The following LIMCH1 variants were observed in gnomAD, a reference collection of about 807,000 sequenced individuals.
LIMCH1 encodes LIM and calponin homology domains-containing protein 1.
LIMCH1 carries 113 observed loss-of-function variants against 176.5 expected under a neutral mutation model. The ratio of observed to expected loss-of-function variants is 0.64; its 90% CI spans 0.55 to 0.75. LIMCH1 has a LOEUF of 0.75. Ranked by LOEUF, LIMCH1 falls within the 30% of genes least tolerant of loss-of-function variation. LIMCH1 has a pLI of 0.00. For missense variants in LIMCH1, 1,674 were observed against 1,814.9 expected, an observed-to-expected ratio of 0.92 and a Z score of 1.41; for synonymous variants, 619 against 645.9, an observed-to-expected ratio of 0.96 and a Z score of 0.63.
At position 41,682,354 on chromosome 4, in the gene LIMCH1, T is replaced by A. The variant is rs2153048887; in HGVS notation, c.3739T>A (p.Cys1247Ser). The change falls in exon 26 of 32, where the codon TGT becomes AGT. Residue 1247 changes from cysteine (C) to serine (S), a missense_variant. Physicochemically the swap from Cys to Ser is moderately radical, Grantham distance 112. Transcript: ENST00000503057. ...TTAGAATAAGATAGACCTGGGAAACTGTCAAGATGAAAAACAAGACAGAAG... is the reference window on the plus strand; with the variant it reads ...TTAGAATAAGATAGACCTGGGAAACAGTCAAGATGAAAAACAAGACAGAAG... ...GTMNKIDLGN[C>S]QDEKQDRRWK... The A allele has an allele frequency of 1.2e-6, 2 of 1,611,952 alleles. No homozygotes were observed. The highest frequency in any genetic ancestry group is 2.2e-5 in the East Asian group (1 of 44,818).
In LIMCH1 at chr4:41,685,768, A is replaced by G; in HGVS notation, c.4026A>G (p.Pro1342=). The G allele has an allele frequency of 1.2e-6, 2 of 1,612,982 alleles. No individual in the cohort carries two copies. Among genetic ancestry groups the G allele is most frequent in the South Asian group, 1.1e-5 (1 of 90,998 alleles). ...CGCACAGTTCAGAAGATGTGAAGCC[A>G]AAAACCCTCCCGCTGGATAAAAGCA... ...NPTHSSEDVK[P]KTLPLDKSIN... Residue 1342 remains proline, a synonymous_variant, in exon 28 of 32, where the codon CCA becomes CCG. Coordinates refer to ENST00000503057, the MANE Select transcript of LIMCH1 (RefSeq NM_001330672.2).
chr4:41,400,033 G>A (rs941693440), intron 1 of LIMCH1, among the ~76,000 whole-genome samples: 1 of 150,668 alleles, frequency 6.6e-6, no homozygotes, highest in African/African-American at 2.5e-5. Context: ...CTTTTTTTGA[G>A]GAGGAAACTG....
At chr4:41,463,678 C>A (rs4317237) in intron 1 of LIMCH1, among the ~76,000 whole-genome samples, 1 of 151,614 alleles carries the variant, frequency 6.6e-6, no homozygotes, top group Non-Finnish European at 1.5e-5. Flanking sequence ...TCAGCTCAGG[C>A]GATGCTTCCA....
chr4:41,502,185 G>A (rs1583208265), intron 2 of LIMCH1, among the ~76,000 whole-genome samples: 1 of 151,786 alleles, frequency 6.6e-6, no homozygotes, highest in Admixed American at 6.6e-5. Context: ...TCTTGAGTTA[G>A]TTTGTTGAGG....
At chr4:41,548,780 A>G (rs1249748535) in intron 1 of LIMCH1, among the ~76,000 whole-genome samples, 1 of 152,060 alleles carries the variant, frequency 6.6e-6, no homozygotes, top group Non-Finnish European at 1.5e-5. Context: ...AGTCGTGAAA[A>G]ACTGGTTTCC....
chr4:41,619,253 A>G lies in LIMCH1; in HGVS notation c.271A>G (p.Met91Val), dbSNP rs2092380087. 3.7e-6 allele frequency: 6 copies of G among 1,614,190 alleles called. No homozygotes were observed. The highest frequency in any genetic ancestry group is 5.1e-6 in the Non-Finnish European group (6 of 1,180,030). Residue 91 changes from methionine to valine, a missense_variant, in exon 6 of 32, where the codon ATG becomes GTG. Physicochemically the swap from Met to Val is conservative, Grantham distance 21. Coordinates refer to ENST00000503057, the MANE Select transcript of LIMCH1 (RefSeq NM_001330672.2). ...GCTGCCAGATGTGAAGAAGGATGACATGTCTGCACGGCGGACTTCCCATGG... is the reference window on the plus strand; with the variant it reads ...GCTGCCAGATGTGAAGAAGGATGACGTGTCTGCACGGCGGACTTCCCATGG... ...RKLPDVKKDD[M>V]SARRTSHGEP... is the part of the protein sequence containing the mutation.
intron 1 of LIMCH1, among the ~76,000 whole-genome samples, chr4:41,479,862 C>G (rs1219958866): frequency 6.6e-6 from 1 of 152,140 alleles, no homozygotes; most frequent in Non-Finnish European, 1.5e-5. Flanking sequence ...AGGAGGTTAT[C>G]ACATGGGCTT....
intron 23 of LIMCH1, among the ~76,000 whole-genome samples, chr4:41,677,357 G>A (rs1206958915): frequency 5.9e-5 from 9 of 152,024 alleles, no homozygotes; most frequent in East Asian, 1.9e-4. Context: ...GCAGTGAGCC[G>A]AGATCACGCC....
chr4:41,429,007 C>T (rs538822488), intron 1 of LIMCH1, among the ~76,000 whole-genome samples: 1 of 152,260 alleles, frequency 6.6e-6, no homozygotes, highest in African/African-American at 2.4e-5. Flanking sequence ...GTGAAAGGGC[C>T]TCCTTGTTTG....
At chr4:41,544,365 T>A (rs2152486831) in intron 1 of LIMCH1, among the ~76,000 whole-genome samples, 3 of 152,302 alleles carry the variant, frequency 2.0e-5, no homozygotes, top group Middle Eastern at 6.8e-3. Flanking sequence ...AGCAAGATAT[T>A]TGAAGGCTTT....
At chr4:41,482,579 G>A (rs778724612) in intron 1 of LIMCH1, among the ~76,000 whole-genome samples, 1 of 152,116 alleles carries the variant, frequency 6.6e-6, no homozygotes. Flanking sequence ...TTTTGGGTTA[G>A]ACAGTATGAC....
At chr4:41,587,071 C>T (rs1456983251) in intron 1 of LIMCH1, among the ~76,000 whole-genome samples, 1 of 152,116 alleles carries the variant, frequency 6.6e-6, no homozygotes, top group Non-Finnish European at 1.5e-5. Flanking sequence ...TTAACTTAAG[C>T]AAATGGAAGC....
chr4:41,682,077 C>T (rs577218595), intron 25 of LIMCH1, among the ~76,000 whole-genome samples: 5 of 152,280 alleles, frequency 3.3e-5, no homozygotes, highest in East Asian at 1.9e-4. Context: ...CTGAAATGAG[C>T]GGTCCTATGA....
intron 1 of LIMCH1, among the ~76,000 whole-genome samples, chr4:41,420,615 T>A (rs1364859533): frequency 6.6e-6 from 1 of 152,168 alleles, no homozygotes; most frequent in African/African-American, 2.4e-5. Flanking sequence ...TAGGTTGACT[T>A]AACCCGATTC....
intron 1 of LIMCH1, among the ~76,000 whole-genome samples, chr4:41,552,317 G>A (rs528142150): frequency 4.6e-5 from 7 of 152,212 alleles, no homozygotes; most frequent in Admixed American, 2.0e-4. Flanking sequence ...AAGAAGAACC[G>A]TCTTCTCTTG....
At chr4:41,658,431 C>T (rs2094523016) in intron 18 of LIMCH1, among the ~76,000 whole-genome samples, 1 of 152,178 alleles carries the variant, frequency 6.6e-6, no homozygotes, top group Non-Finnish European at 1.5e-5. Context: ...TGTGAGAATT[C>T]TTGAAAGCAG....
chr4:41,412,019 C>T (rs979098503), intron 1 of LIMCH1, among the ~76,000 whole-genome samples: 1 of 125,132 alleles, frequency 8.0e-6, no homozygotes, highest in African/African-American at 3.0e-5. Context: ...AAACCTGTTA[C>T]ATGGATCACA....
intron 1 of LIMCH1, among the ~76,000 whole-genome samples, chr4:41,587,908 A>G (rs1309290165): frequency 1.3e-5 from 2 of 152,224 alleles, no homozygotes; most frequent in African/African-American, 2.4e-5. Flanking sequence ...ACCGTAACAT[A>G]TCAAACTTTA....
intron 4 of LIMCH1, among the ~76,000 whole-genome samples, chr4:41,607,606 A>G (rs1190491497): frequency 1.3e-5 from 2 of 152,230 alleles, no homozygotes; most frequent in Non-Finnish European, 1.5e-5. Context: ...TTCCCCTGCT[A>G]GATTCTGTTG....
Sources: allele counts gnomAD v4.1 joint callset (sites outside exome capture counted in the v4.1 genomes callset), GRCh38; gene constraint gnomAD v4.1.1; transcripts MANE v1.5; gene names NCBI Gene and HGNC (gene_info 2026-07-23, HGNC 2026-07-21).